Variants in IARS1 observed in about 807,000 individuals in gnomAD.
The protein encoded by IARS1 is isoleucyl-tRNA synthetase 1.
A neutral mutation model predicts 168.2 loss-of-function variants in IARS1; 124 were observed. That is an observed-to-expected ratio of 0.74 (90% CI 0.64 to 0.86). The LOEUF (loss-of-function observed/expected upper bound fraction) is 0.86, where lower values mean the gene tolerates loss of function less well. IARS1 is among the 40% of genes least tolerant of loss of function. The probability of loss-of-function intolerance (pLI) is 0.00; values close to 1 mark genes in which losing one functional copy is unlikely to be tolerated. For synonymous variants in IARS1, 532 were observed against 529.4 expected (o/e 1.00, Z -0.07); for missense variants, 1,452 against 1,515.8 (o/e 0.96, Z 0.70).
rs1181295713 is a variant in IARS1 at position 92,244,960 on chromosome 9, T to C, written c.2903A>G (p.Gln968Arg). The change falls in exon 27 of 34, where the codon CAG (glutamine) becomes CGG (arginine). Residue 968 changes from glutamine (Q) to arginine (R), a missense_variant and splice_region_variant. Gln to Arg is a conservative substitution (Grantham distance 43). Coordinates refer to ENST00000443024, the MANE Select transcript of IARS1 (RefSeq NM_002161.6). The stretch of plus-strand genomic sequence containing the variant: ...ATGTTCTAGGAAACAGAAAAATACC[T>C]GAGCATCTGAGTGTGCTTCAAATTG... ...TAQFEAHSDA[Q>R]ALVLLDVTPD... 4.3e-6 allele frequency: 7 copies of C among 1,612,120 alleles called. No homozygotes were observed. In the South Asian group the frequency reaches 7.7e-5, roughly 18 times the overall value.
chr9:92,273,716 T>G (rs1833410738), intron 10 of IARS1, among the ~76,000 whole-genome samples: 1 of 152,346 alleles, frequency 6.6e-6, no homozygotes, highest in East Asian at 1.9e-4. Flanking sequence ...TCCCAGAGAT[T>G]AAGCATGAAA....
intron 28 of IARS1, chr9:92,242,648 C>A: frequency 3.8e-6 from 1 of 264,222 alleles, no homozygotes; most frequent in Non-Finnish European, 7.2e-6. Context: ...CACAAGCACC[C>A]ACTCATCTGC....
intron 6 of IARS1, among the ~76,000 whole-genome samples, chr9:92,282,839 C>CACATATATATAT (rs1554730503): frequency 7.7e-5 from 11 of 142,254 alleles, no homozygotes; most frequent in African/African-American, 2.9e-4. Context: ...CATACACACA[C>CACATATATATAT]ATATATATAT....
At chr9:92,214,537 A>T (rs1456942514) in intron 33 of IARS1, among the ~76,000 whole-genome samples, 2 of 152,204 alleles carry the variant, frequency 1.3e-5, no homozygotes, top group Admixed American at 6.5e-5. Flanking sequence ...GGAGTGCCAG[A>T]CAGTGGGCGC....
chr9:92,265,024 A>G lies in IARS1; in HGVS notation c.1605T>C (p.Tyr535=), dbSNP rs770635068. 2 of 1,614,186 alleles carry G rather than the reference A, an allele frequency of 1.2e-6. No homozygotes were observed. Among genetic ancestry groups the G allele is most frequent in the East Asian group, 2.2e-5 (1 of 44,878 alleles). ...TTTCAAACGGGTAATGAACCTGAGCATAGGGCATGCTGCCACTCTCAAACC... is the reference window on the plus strand; with the variant it reads ...TTTCAAACGGGTAATGAACCTGAGCGTAGGGCATGCTGCCACTCTCAAACC... ...DCWFESGSMP[Y]AQVHYPFENK... The change falls in exon 16 of 34, where the codon TAT becomes TAC. Residue 535 remains tyrosine, a synonymous_variant. Transcript: ENST00000443024.
chr9:92,251,258 G>A (rs1829975265), intron 22 of IARS1: 1 of 435,202 alleles, frequency 2.3e-6, no homozygotes, highest in Non-Finnish European at 4.7e-6. Flanking sequence ...TTTTCCTTCG[G>A]TTAAGGAATA....
At chr9:92,223,257 G>T in intron 32 of IARS1, 89 bp downstream of exon 32, 1 of 1,254,890 alleles carries the variant, frequency 8.0e-7, no homozygotes, top group Non-Finnish European at 1.1e-6. Context: ...ATACTTTGAA[G>T]CCGACTAGAA....
At chr9:92,289,169 T>G (rs1435826097) in intron 2 of IARS1, 132 bp downstream of exon 2, 1 of 506,096 alleles carries the variant, frequency 2.0e-6, no homozygotes, top group Middle Eastern at 5.5e-4. Flanking sequence ...ATTGCACCAC[T>G]GCCCTCCAGC....
At chr9:92,272,864 C>CAAAAAAAAAAAAAAAA (rs869076663) in intron 10 of IARS1, among the ~76,000 whole-genome samples, 67 of 56,622 alleles carry the variant, frequency 1.2e-3, no homozygotes, top group East Asian at 3.1e-3. Flanking sequence ...CAAAACAAAA[C>CAAAAAAAAAAAAAAAA]AAAAAAAAAA....
At chr9:92,248,617 C>T (rs1829563867) in intron 25 of IARS1, among the ~76,000 whole-genome samples, 1 of 138,362 alleles carries the variant, frequency 7.2e-6, no homozygotes, top group African/African-American at 2.8e-5. Context: ...CACATCACTG[C>T]ACTCCAGCCT....
At chr9:92,228,818 G>T (rs1482157267) in intron 31 of IARS1, among the ~76,000 whole-genome samples, 183 bp downstream of exon 31, 2 of 150,290 alleles carry the variant, frequency 1.3e-5, no homozygotes, top group Admixed American at 6.7e-5. Flanking sequence ...AGGGTTTTCA[G>T]TCACATGACA....
At chr9:92,248,640 G>A (rs984657482) in intron 25 of IARS1, among the ~76,000 whole-genome samples, 13 of 119,730 alleles carry the variant, frequency 1.1e-4, no homozygotes, top group African/African-American at 4.3e-4. Context: ...GTGACAGAGC[G>A]AGACCCTGTC....
At position 92,264,931 on chromosome 9, in the gene IARS1, T is replaced by C. The variant is rs1014363838; in HGVS notation, c.1698A>G (p.Gly566=). The change falls in exon 16 of 34, where the codon GGA becomes GGG. Residue 566 remains glycine, a splice_region_variant and synonymous_variant. Transcript: ENST00000443024. ...FIAEGIDQTR[G]WFYTLLVLAT... is the part of the protein sequence containing the mutation. ...GATGAAAGAACAAGGAGGCATACCA[T>C]CCTCTGGTTTGGTCGATGCCCTCGG... 6.2e-7 allele frequency: 1 copy of C among 1,611,296 alleles called. No individual in the cohort carries two copies. The highest frequency in any genetic ancestry group is 8.5e-7 in the Non-Finnish European group (1 of 1,178,696).
intron 20 of IARS1, among the ~76,000 whole-genome samples, chr9:92,254,964 T>C (rs1830517215): frequency 6.6e-6 from 1 of 152,198 alleles, no homozygotes. Context: ...TCATGGCAGC[T>C]GGTGCCCAAA....
chr9:92,210,917 A>T, intron 33 of IARS1, 28 bp from the exon 34 acceptor site: 1 of 1,446,728 alleles, frequency 6.9e-7, no homozygotes. Context: ...AGTTGAAAAA[A>T]AATCAGTATT....
intron 23 of IARS1, 37 bp downstream of exon 23, chr9:92,250,676 T>C (rs555185985): frequency 2.0e-6 from 3 of 1,520,288 alleles, no homozygotes; most frequent in African/African-American, 1.4e-5. Flanking sequence ...TCTCCCCTCC[T>C]TGGCACAGGT....
At chr9:92,249,825 C>A in intron 25 of IARS1, 33 bp downstream of exon 25, 2 of 1,102,496 alleles carry the variant, frequency 1.8e-6, no homozygotes, top group South Asian at 2.6e-5. Flanking sequence ...CTAAGTCTAT[C>A]TGTACCAAAA....
chr9:92,240,686 T>C (rs776110600), intron 30 of IARS1, 170 bp downstream of exon 30: 5 of 718,352 alleles, frequency 7.0e-6, no homozygotes, highest in Non-Finnish European at 1.3e-5. Context: ...ATCCACTGCA[T>C]CTCGCCTAGT....
intron 25 of IARS1, among the ~76,000 whole-genome samples, chr9:92,248,655 A>C (rs1353502531): frequency 6.8e-6 from 1 of 147,878 alleles, no homozygotes; most frequent in Admixed American, 6.7e-5. Context: ...CCTGTCACAA[A>C]AAAAAAAAAA....
Sources: allele counts gnomAD v4.1 joint callset (sites outside exome capture counted in the v4.1 genomes callset), GRCh38; gene constraint gnomAD v4.1.1; transcripts MANE v1.5; gene names NCBI Gene and HGNC (gene_info 2026-07-23, HGNC 2026-07-21).